OLR1: variants seen among roughly 807,000 people sequenced by gnomAD.
OLR1 encodes the protein oxidized low-density lipoprotein receptor 1.
In OLR1, 23 loss-of-function variants were observed where a neutral mutation model predicts 31.7. The ratio of observed to expected loss-of-function variants is 0.72; its 90% CI spans 0.52 to 1.03. The LOEUF (loss-of-function observed/expected upper bound fraction) is 1.03. Ranked by LOEUF, OLR1 falls within the 50% of genes least tolerant of loss-of-function variation. The pLI, the probability that OLR1 is intolerant of heterozygous loss-of-function variation, is 0.00. For missense variants in OLR1, 286 were observed against 315.7 expected, an observed-to-expected ratio of 0.91 and a Z score of 0.71; for synonymous variants, 117 against 115.8, an observed-to-expected ratio of 1.01 and a Z score of -0.07.
At chr12:10,167,461 A>C in intron 2 of OLR1, 1 of 152,840 alleles carries the variant, frequency 6.5e-6, no homozygotes, top group Non-Finnish European at 1.5e-5. Context: ...AAACAACAAC[A>C]ACAACAAAAA....
chr12:10,160,658 T>C, intron 4 of OLR1, 128 bp downstream of exon 4: 1 of 1,229,998 alleles, frequency 8.1e-7, no homozygotes, highest in Non-Finnish European at 1.2e-6. Context: ...ACAAAATTGG[T>C]GATCAGACTA....
chr12:10,163,482 T>C (rs977244663), intron 3 of OLR1, among the ~76,000 whole-genome samples: 1 of 152,010 alleles, frequency 6.6e-6, no homozygotes, highest in Non-Finnish European at 1.5e-5. Flanking sequence ...AAAGCAAACA[T>C]ATAATAACCT....
In OLR1 at chr12:10,161,231, G is replaced by T. The variant is rs34339068; in HGVS notation, c.425-306C>A. 8.5e-3 allele frequency among the ~76,000 whole-genome samples: 1,300 copies of T among 152,104 alleles called. 16 individuals carry two copies. The highest frequency in any genetic ancestry group is 0.029 in the African/African-American group (1,215 of 41,488). ...TTTCTTCATTTTTTGGGAAAAAAAA[G>T]AAAGAAAGAAAGCATACTGATTTTA... On this transcript the variant is annotated intron_variant, in intron 3 of 5. Transcript: ENST00000309539.
At chr12:10,163,266 A>T (rs1948634781) in intron 3 of OLR1, among the ~76,000 whole-genome samples, 1 of 151,872 alleles carries the variant, frequency 6.6e-6, no homozygotes, top group African/African-American at 2.4e-5. Flanking sequence ...ACTACCTTTC[A>T]AACTTCTAAG....
chr12:10,166,642 T>G, intron 3 of OLR1, 70 bp downstream of exon 3: 1 of 1,576,796 alleles, frequency 6.3e-7, no homozygotes. Flanking sequence ...CCCAGAATTG[T>G]TTCCAAAAAA....
At chr12:10,160,223 T>C in intron 5 of OLR1, 124 bp downstream of exon 5, 1 of 926,452 alleles carries the variant, frequency 1.1e-6, no homozygotes, top group Non-Finnish European at 1.6e-6. Flanking sequence ...CTTTGAGAAA[T>C]TCCCCCAAGC....
chr12:10,174,840 C>A (rs1948754145), upstream of OLR1, among the ~76,000 whole-genome samples: 1 of 152,058 alleles, frequency 6.6e-6, no homozygotes, highest in African/African-American at 2.4e-5. Context: ...TAATATTTGT[C>A]CTTTTGTATC....
Position 10,159,287 on chromosome 12 carries a change from A to ATGTGTGTG in OLR1, c.*585_*592dup, listed in dbSNP as rs34435182. On this transcript the variant is annotated 3_prime_UTR_variant, in exon 6 of 6. Transcript: ENST00000309539. ...TCTTGGGCTCCCCACTTGTCCCAAA[A>ATGTGTGTG]TGTGTGTGTGTGTGTGTGTGTGTGT... 4,755 of 148,292 alleles carry ATGTGTGTG rather than the reference A, an allele frequency of 0.032. 192 individuals carry two copies. Among genetic ancestry groups the ATGTGTGTG allele is most frequent in the African/African-American group, 0.1 (4,096 of 39,984 alleles). The allele number at this position is 148,292 out of a possible 1,614,324, so 9.2% of individuals were successfully genotyped here. A position where few individuals can be genotyped will look rare whatever the true frequency, so the allele number is the denominator to read the frequency against.
chr12:10,173,921 G>A (rs367584004), upstream of OLR1, among the ~76,000 whole-genome samples: 4 of 152,098 alleles, frequency 2.6e-5, no homozygotes, highest in African/African-American at 9.7e-5. Context: ...GTACTGTTCA[G>A]TGGCATTAAG....
intron 5 of OLR1, 26 bp from the exon 6 acceptor site, chr12:10,160,047 A>G (rs1376826061): frequency 2.5e-6 from 4 of 1,579,728 alleles, no homozygotes; most frequent in Non-Finnish European, 1.7e-6. Context: ...AACAAAACAA[A>G]CCAACAAAAA....
upstream of OLR1, among the ~76,000 whole-genome samples, chr12:10,175,071 A>G (rs1377041744): frequency 6.6e-6 from 1 of 152,170 alleles, no homozygotes; most frequent in African/African-American, 2.4e-5. Flanking sequence ...ACAGATTTGA[A>G]AAATTTTAGA....
At position 10,160,006 on chromosome 12, in the gene OLR1, G is replaced by A. The variant is rs140400766; in HGVS notation, c.696C>T (p.Gly232=). The A allele has an allele frequency of 8.7e-6, 14 of 1,605,386 alleles. No individual in the cohort carries two copies. In the African/African-American group the frequency reaches 1.1e-4, roughly 12 times the overall value. The change falls in exon 6 of 6, where the codon GGC becomes GGT. Residue 232 remains glycine, a synonymous_variant. Coordinates refer to ENST00000309539, the MANE Select transcript of OLR1 (RefSeq NM_002543.4). ...PLMPHLFRVR[G]AVSQTYPSGT... ...CTGAAGGGTATGTCTGGGAGACAGC[G>A]CCTCGGACTCTAAATCTGCAGGTAG...
rs941862859 is a variant in OLR1 at position 10,158,714 on chromosome 12, G to T, written c.*1166C>A. On this transcript the variant is annotated 3_prime_UTR_variant, in exon 6 of 6. Transcript: ENST00000309539. The stretch of plus-strand genomic sequence containing the variant: ...AAATAGTACACTTTAAATATGTTCA[G>T]TTTATTTTATGTTAATTATATCTCA... The T allele has an allele frequency of 6.6e-6, 1 of 151,344 alleles. No individual in the cohort carries two copies. Among genetic ancestry groups the T allele is most frequent in the Non-Finnish European group, 1.5e-5 (1 of 67,902 alleles). 9.4% of individuals were successfully genotyped at this position (151,344 alleles called of 1,614,324 possible). A position where few individuals can be genotyped will look rare whatever the true frequency, so the allele number is the denominator to read the frequency against.
At chr12:10,161,120 G>A (rs569613279) in intron 3 of OLR1, among the ~76,000 whole-genome samples, 195 bp from the exon 4 acceptor site, 6 of 152,122 alleles carry the variant, frequency 3.9e-5, no homozygotes, top group Middle Eastern at 3.4e-3. Context: ...GACTATAGTC[G>A]TGAGACACCG....
At position 10,159,910 on chromosome 12, in the gene OLR1, A is replaced by G. The variant is rs1272993571; in HGVS notation, c.792T>C (p.Cys264=). Residue 264 remains cysteine (C), a synonymous_variant, in exon 6 of 6, where the codon TGT becomes TGC. Coordinates refer to ENST00000309539, the MANE Select transcript of OLR1 (RefSeq NM_002543.4). Reference sequence around the variant, plus strand: ...GTGCTCTTAGGTTTGCCTTCTTCTGACATATACTGAAGGCAGCTAAAATGC... The same window carrying G: ...GTGCTCTTAGGTTTGCCTTCTTCTGGCATATACTGAAGGCAGCTAAAATGC... ...ENCILAAFSI[C]QKKANLRAQ is the part of the protein sequence containing the mutation. 2 of 1,613,838 alleles carry G rather than the reference A, an allele frequency of 1.2e-6. No homozygotes were observed. The highest frequency in any genetic ancestry group is 2.2e-5 in the East Asian group (1 of 44,874).
chr12:10,168,889 T>C (rs1948685057), intron 2 of OLR1, among the ~76,000 whole-genome samples, 185 bp downstream of exon 2: 1 of 152,210 alleles, frequency 6.6e-6, no homozygotes, highest in Non-Finnish European at 1.5e-5. Context: ...CATGGCTCTA[T>C]CCATTGGAAG....
At chr12:10,165,092 A>G (rs958274476) in intron 3 of OLR1, among the ~76,000 whole-genome samples, 9 of 152,108 alleles carry the variant, frequency 5.9e-5, no homozygotes, top group African/African-American at 1.7e-4. Context: ...GTGAAACACC[A>G]TCTCTACTAA....
chr12:10,163,245 C>T (rs777274936), intron 3 of OLR1, among the ~76,000 whole-genome samples: 4 of 151,854 alleles, frequency 2.6e-5, no homozygotes, highest in East Asian at 3.9e-4. Context: ...GGTGTTTCAC[C>T]ACTATAACAT....
At chr12:10,161,007 G>A in intron 3 of OLR1, 82 bp from the exon 4 acceptor site, 2 of 1,318,428 alleles carry the variant, frequency 1.5e-6, no homozygotes, top group Non-Finnish European at 2.1e-6. Context: ...GATCCCCTTA[G>A]TTCTCTCACG....
Sources: gnomAD v4.1 joint callset for allele counts (sites outside exome capture counted in the v4.1 genomes callset) on GRCh38, gnomAD v4.1.1 for gene constraint, MANE v1.5 for transcripts, NCBI Gene and HGNC (gene_info 2026-07-23, HGNC 2026-07-21) for gene names.